Variants in ST3GAL3 observed in about 807,000 individuals in gnomAD.
ST3GAL3 encodes ST3 beta-galactoside alpha-2,3-sialyltransferase 3, also known as CMP-N-acetylneuraminate-beta-1,4-galactoside alpha-2,3-sialyltransferase.
A neutral mutation model predicts 50.1 loss-of-function variants in ST3GAL3; 21 were observed. That is an observed-to-expected ratio of 0.42 (90% CI 0.30 to 0.60). The LOEUF (loss-of-function observed/expected upper bound fraction) is 0.60. ST3GAL3 is among the 20% of genes least tolerant of loss of function. The probability of loss-of-function intolerance (pLI) is 0.19; values close to 1 mark genes in which losing one functional copy is unlikely to be tolerated. For synonymous variants in ST3GAL3, 183 were observed against 190.0 expected (o/e 0.96, Z 0.30); for missense variants, 353 against 489.4 (o/e 0.72, Z 2.63).
At chr1:43,761,941 ACT>A (rs1291989816) in intron 2 of ST3GAL3, among the ~76,000 whole-genome samples, 1 of 106,446 alleles carries the variant, frequency 9.4e-6, no homozygotes, top group African/African-American at 4.0e-5. Flanking sequence ...ACAGAGCGAC[ACT>A]CTGTCTCAAA....
intron 2 of ST3GAL3, among the ~76,000 whole-genome samples, chr1:43,779,273 T>C (rs1413840904): frequency 6.6e-6 from 1 of 152,140 alleles, no homozygotes; most frequent in Non-Finnish European, 1.5e-5. Context: ...TTGGCCCTAT[T>C]GGTAGGTATA....
chr1:43,717,898 G>A (rs558300244), intron 1 of ST3GAL3, among the ~76,000 whole-genome samples: 9 of 151,272 alleles, frequency 5.9e-5, no homozygotes, highest in Admixed American at 5.3e-4. Flanking sequence ...ATGAGACGGA[G>A]TTTCACTCTT....
At chr1:43,815,728 A>G (rs1003629110) in intron 4 of ST3GAL3, among the ~76,000 whole-genome samples, 1 of 152,214 alleles carries the variant, frequency 6.6e-6, no homozygotes, top group African/African-American at 2.4e-5. Flanking sequence ...AGTTTTTGTA[A>G]GAATTTAATT....
chr1:43,808,959 A>G (rs959367800), intron 3 of ST3GAL3, among the ~76,000 whole-genome samples: 2 of 152,244 alleles, frequency 1.3e-5, no homozygotes, highest in African/African-American at 4.8e-5. Flanking sequence ...TAATAGTGCA[A>G]AATTAGCCTT....
chr1:43,772,162 G>T (rs1342779641), intron 2 of ST3GAL3: 6 of 396,400 alleles, frequency 1.5e-5, no homozygotes, highest in Non-Finnish European at 2.7e-5. Context: ...CGATTCTCCT[G>T]CCTCAGCCTC....
chr1:43,827,791 T>A lies in ST3GAL3; in HGVS notation c.210-10428T>A, dbSNP rs555050682. ...CCTCCCAAAGTGCTAGGATTACAGG[T>A]GTGAGCCACTGTGCCCAGCCTCAGT... On this transcript the variant is annotated intron_variant, in intron 4 of 11. Transcript: ENST00000347631. Among the ~76,000 whole-genome samples the A allele has an allele frequency of 3.8e-4, 58 of 152,272 alleles. No homozygotes were observed. The South Asian group carries it at 0.012, about 30-fold the overall frequency.
chr1:43,722,352 C>T (rs755162752), intron 1 of ST3GAL3, among the ~76,000 whole-genome samples: 3 of 152,068 alleles, frequency 2.0e-5, no homozygotes, highest in Non-Finnish European at 4.4e-5. Flanking sequence ...GTTGCAGGCT[C>T]ATAAAAAGAT....
At chr1:43,889,477 G>A (rs949080856) in intron 5 of ST3GAL3, among the ~76,000 whole-genome samples, 1 of 152,116 alleles carries the variant, frequency 6.6e-6, no homozygotes, top group Non-Finnish European at 1.5e-5. Context: ...ACCTAACTAT[G>A]TATCATGTCA....
Position 43,890,761 on chromosome 1 carries a change from G to A in ST3GAL3, c.303-3622G>A, listed in dbSNP as rs559382864. ...TAGCTGGGTATGGGGGTGGATGTCTGTAGTCCTAGCTACTCGGGAGGCTGA... is the reference window on the plus strand; with the variant it reads ...TAGCTGGGTATGGGGGTGGATGTCTATAGTCCTAGCTACTCGGGAGGCTGA... On this transcript the variant is annotated intron_variant, in intron 5 of 11. Transcript: ENST00000347631. Among the ~76,000 whole-genome samples the A allele has an allele frequency of 4.6e-5, 7 of 152,272 alleles. No homozygotes were observed. In the South Asian group the frequency reaches 1.5e-3, roughly 32 times the overall value.
At chr1:43,825,519 G>A (rs37457) in intron 4 of ST3GAL3, among the ~76,000 whole-genome samples, 137,545 of 152,286 alleles carry the variant, frequency 0.9, 62,347 homozygotes, top group African/African-American at 0.96. Context: ...TGAAATAAAT[G>A]TATGTGTAAA....
rs142969443 is a variant in ST3GAL3, at chr1:43,819,590, C to T, written c.209+4657C>T. Among the ~76,000 whole-genome samples the T allele has an allele frequency of 4.6e-5, 7 of 152,226 alleles. No individual in the cohort carries two copies. The East Asian group carries it at 1.2e-3, about 25-fold the overall frequency. ...ATATCTTGAGAATTATCTCCTCGCT[C>T]CAGATGTTTTCTATTCTTGGAACCC... On this transcript the variant is annotated intron_variant, in intron 4 of 11. Transcript: ENST00000347631.
intron 1 of ST3GAL3, among the ~76,000 whole-genome samples, chr1:43,731,202 G>A (rs571137140): frequency 6.6e-6 from 1 of 151,654 alleles, no homozygotes; most frequent in Non-Finnish European, 1.5e-5. Flanking sequence ...CACCATGCCT[G>A]AATAATATTT....
intron 4 of ST3GAL3, among the ~76,000 whole-genome samples, chr1:43,816,703 G>A (rs1386908209): frequency 1.3e-5 from 2 of 152,188 alleles, no homozygotes; most frequent in Admixed American, 1.3e-4. Flanking sequence ...CTGACAGTTG[G>A]GTCCTGCAGA....
chr1:43,718,322 T>TG (rs1360009842), intron 1 of ST3GAL3, among the ~76,000 whole-genome samples: 1 of 150,654 alleles, frequency 6.6e-6, no homozygotes, highest in African/African-American at 2.4e-5. Flanking sequence ...CCCGAGTAGC[T>TG]GGGACTATAG....
chr1:43,756,088 G>A (rs1687928197), intron 2 of ST3GAL3, among the ~76,000 whole-genome samples: 1 of 84,248 alleles, frequency 1.2e-5, no homozygotes, highest in African/African-American at 5.5e-5. Context: ...TAGACAGAGT[G>A]AGAACCAGTC....
Position 43,852,931 on chromosome 1 carries a change from T to G in ST3GAL3, c.302+14620T>G, listed in dbSNP as rs368993249. 2.6e-5 allele frequency among the ~76,000 whole-genome samples: 4 copies of G among 152,346 alleles called. No individual in the cohort carries two copies. In the East Asian group the frequency reaches 5.8e-4, roughly 22 times the overall value. On this transcript the variant is annotated intron_variant, in intron 5 of 11. Coordinates refer to ENST00000347631, the MANE Select transcript of ST3GAL3 (RefSeq NM_006279.5). ...ATTCTGTTTTCTCAGTGACTTTCATTATAATTAGATAAGTTTTTTTCAGGA... is the reference window on the plus strand; with the variant it reads ...ATTCTGTTTTCTCAGTGACTTTCATGATAATTAGATAAGTTTTTTTCAGGA...
At chr1:43,859,777 CTG>C (rs1407200014) in intron 5 of ST3GAL3, among the ~76,000 whole-genome samples, 1 of 152,210 alleles carries the variant, frequency 6.6e-6, no homozygotes, top group Non-Finnish European at 1.5e-5. Context: ...AGGGCTGGCT[CTG>C]TACCTGCTGT....
At chr1:43,852,850 G>A (rs1238939615) in intron 5 of ST3GAL3, among the ~76,000 whole-genome samples, 2 of 152,124 alleles carry the variant, frequency 1.3e-5, no homozygotes, top group African/African-American at 2.4e-5. Flanking sequence ...GTGTCCTGGG[G>A]CCATAAATGT....
intron 9 of ST3GAL3, among the ~76,000 whole-genome samples, chr1:43,907,873 T>G (rs1364303823): frequency 2.6e-5 from 4 of 152,230 alleles, no homozygotes. Context: ...CTTTCAAGTT[T>G]CTGGGAAAAG....
Sources: gnomAD v4.1 joint callset for allele counts (sites outside exome capture counted in the v4.1 genomes callset) on GRCh38, gnomAD v4.1.1 for gene constraint, MANE v1.5 for transcripts, NCBI Gene and HGNC (gene_info 2026-07-23, HGNC 2026-07-21) for gene names.